The following MYH3 variants were observed in gnomAD, a reference collection of about 807,000 sequenced individuals.
The protein encoded by MYH3 is myosin-3.
MYH3 carries 130 observed loss-of-function variants against 238.0 expected under a neutral mutation model. The ratio of observed to expected loss-of-function variants is 0.55; its 90% CI spans 0.47 to 0.63. MYH3 has a LOEUF of 0.63. Among genes scored for constraint, MYH3 ranks in the 30% least tolerant of loss-of-function variants. MYH3 has a pLI of 0.00. For synonymous variants in MYH3, 880 were observed against 924.1 expected, an observed-to-expected ratio of 0.95 and a Z score of 0.86; for missense variants, 1,853 against 2,374.9, an observed-to-expected ratio of 0.78 and a Z score of 4.57.
In MYH3 at chr17:10,640,073, C is replaced by A; in HGVS notation, c.2605G>T (p.Ala869Ser). 6.2e-7 allele frequency: 1 copy of A among 1,613,938 alleles called. No individual in the cohort carries two copies. Among genetic ancestry groups the A allele is most frequent in the Non-Finnish European group, 8.5e-7 (1 of 1,180,000 alleles). ...KTKDELAKSEAKRKELEEKLV... is the reference protein window; with the variant it reads ...KTKDELAKSESKRKELEEKLV... Reference sequence around the variant, plus strand: ...TTTTCCTCTAGCTCCTTCCTTTTTGCCTCCGACTTGGCGAGTTCATCTTTG... The same window carrying A: ...TTTTCCTCTAGCTCCTTCCTTTTTGACTCCGACTTGGCGAGTTCATCTTTG... The change falls in exon 22 of 41, where the codon GCA becomes TCA. Residue 869 changes from alanine to serine, a missense_variant. Ala to Ser is a moderately conservative substitution (Grantham distance 99). Transcript: ENST00000583535.
the MYH3 span, chr17:10,675,751 C>T: frequency 1.3e-5 from 2 of 152,116 alleles, no homozygotes; most frequent in African/African-American, 2.4e-5. Flanking sequence ...AAAAAACACC[C>T]AACAACGAGG....
At position 10,638,979 on chromosome 17, in the gene MYH3, T is replaced by G. The variant is rs1335247183; in HGVS notation, c.3249-16A>C. 3.7e-6 allele frequency: 6 copies of G among 1,614,118 alleles called. No individual in the cohort carries two copies. Among genetic ancestry groups the G allele is most frequent in the Non-Finnish European group, 5.1e-6 (6 of 1,179,948 alleles). Reference sequence around the variant, plus strand: ...AAAATCTTTCCTGTGAAGAGAAATGTAGAATGCATGAAGACAAAATACACA... The same window carrying G: ...AAAATCTTTCCTGTGAAGAGAAATGGAGAATGCATGAAGACAAAATACACA... On this transcript the variant is annotated splice_polypyrimidine_tract_variant and intron_variant, in intron 25 of 40. Transcript: ENST00000583535.
At chr17:10,632,390 A>T (rs2074171458) in intron 34 of MYH3, 86 bp downstream of exon 34, 2 of 1,456,380 alleles carry the variant, frequency 1.4e-6, no homozygotes, top group Admixed American at 1.7e-5. Flanking sequence ...GAGCGCTGGG[A>T]CTACAGGCGT....
At chr17:10,667,444 G>T in the MYH3 span, among the ~76,000 whole-genome samples, 1 of 152,126 alleles carries the variant, frequency 6.6e-6, no homozygotes, top group Non-Finnish European at 1.5e-5. Context: ...CACTTTGGGA[G>T]GCCAAGGCAG....
the MYH3 span, among the ~76,000 whole-genome samples, chr17:10,671,789 C>G: frequency 4.6e-5 from 7 of 152,018 alleles, no homozygotes; most frequent in African/African-American, 1.7e-4. Flanking sequence ...CTGTGTTAGC[C>G]AGGATGGTCT....
chr17:10,651,799 A>G, intron 4 of MYH3, 131 bp from the exon 5 acceptor site: 15 of 1,286,170 alleles, frequency 1.2e-5, no homozygotes, highest in Non-Finnish European at 1.6e-5. Flanking sequence ...GCTGGAGTGC[A>G]GTGGCACGAT....
chr17:10,649,760 G>A, intron 6 of MYH3, 75 bp from the exon 7 acceptor site: 2 of 1,344,968 alleles, frequency 1.5e-6, no homozygotes, highest in Admixed American at 3.4e-5. Context: ...ATGTCATACT[G>A]AGGCCTGGGC....
chr17:10,658,255 C>CT (rs888144259), upstream of MYH3, among the ~76,000 whole-genome samples: 5 of 151,824 alleles, frequency 3.3e-5, no homozygotes, highest in Admixed American at 2.0e-4. Context: ...TCTCGTTCTA[C>CT]TTTTTTTTTC....
At chr17:10,650,432 T>C (rs375336769) in intron 5 of MYH3, 31 bp from the exon 6 acceptor site, 9 of 1,602,442 alleles carry the variant, frequency 5.6e-6, no homozygotes, top group Non-Finnish European at 6.8e-6. Flanking sequence ...ATAGAGTTGA[T>C]GGCAATAGAA....
the MYH3 span, among the ~76,000 whole-genome samples, chr17:10,671,672 C>T: frequency 5.9e-3 from 871 of 148,266 alleles, 4 homozygotes; most frequent in Non-Finnish European, 9.2e-3. Flanking sequence ...CTCCGCCTCC[C>T]GGGTTCATGC....
Position 10,642,568 on chromosome 17 carries a change from T to A in MYH3, c.1737A>T (p.Ser579=), listed in dbSNP as rs1195913891. The A allele has an allele frequency of 6.2e-7, 1 of 1,614,166 alleles. No homozygotes were observed. Among genetic ancestry groups the A allele is most frequent in the East Asian group, 2.2e-5 (1 of 44,888 alleles). Residue 579 remains serine (S), a synonymous_variant, in exon 16 of 41, where the codon TCA becomes TCT. Coordinates refer to ENST00000583535, the MANE Select transcript of MYH3 (RefSeq NM_002470.4). This position sits in a 1 kb window ranked among gnomAD's most constrained non-coding sequence, Gnocchi z 5.4. ...VVKGRAEAHF[S]LIHYAGTVDY... Reference sequence around the variant, plus strand: ...CCACGGTGCCCGCATAGTGGATCAGTGAGAAGTGAGCCTCGGCCCTGCCTT... The same window carrying A: ...CCACGGTGCCCGCATAGTGGATCAGAGAGAAGTGAGCCTCGGCCCTGCCTT...
At position 10,638,195 on chromosome 17, in the gene MYH3, G is replaced by C; in HGVS notation, c.3577C>G (p.Leu1193Val). 1.9e-6 allele frequency: 3 copies of C among 1,613,804 alleles called. No individual in the cohort carries two copies. Among genetic ancestry groups the C allele is most frequent in the Non-Finnish European group, 2.5e-6 (3 of 1,179,986 alleles). ...ACACTATCCGCATGCTTCTTCCTCA[G>C]CGCGGCCACCATGGCTTCGTGCTGC... The part of the protein sequence containing the change: ...TLQHEAMVAA[L>V]RKKHADSVAE... Residue 1193 changes from leucine (L) to valine (V), a missense_variant, in exon 27 of 41, where the codon CTG (leucine) becomes GTG (valine). Physicochemically the swap from Leu to Val is conservative, Grantham distance 32. Around this residue, in one of 3 missense-constraint regions of MYH3, gnomAD observed 1,044 missense variants for 1,192.6 expected, o/e 0.88. Transcript: ENST00000583535.
At chr17:10,636,607 C>T (rs541515345) in intron 28 of MYH3, among the ~76,000 whole-genome samples, 14 of 151,798 alleles carry the variant, frequency 9.2e-5, no homozygotes, top group Admixed American at 2.6e-4. Flanking sequence ...ACGTGAATCC[C>T]CCAACATGGT....
chr17:10,638,030 C>G lies in MYH3; in HGVS notation c.3729+13G>C, dbSNP rs370155881. 34 of 1,613,876 alleles carry G rather than the reference C, an allele frequency of 2.1e-5. No homozygotes were observed. The African/African-American group carries it at 3.7e-4, about 18-fold the overall frequency. On this transcript the variant is annotated intron_variant, in intron 27 of 40. Coordinates refer to ENST00000583535, the MANE Select transcript of MYH3 (RefSeq NM_002470.4). ...GATGGAAAGCCTTGAGCCACCCCCA[C>G]CCCGCGCAGCACCTTAGATTTCGAC...
intron 33 of MYH3, among the ~76,000 whole-genome samples, chr17:10,633,262 T>A (rs1432178643): frequency 6.6e-6 from 1 of 152,266 alleles, no homozygotes; most frequent in East Asian, 1.9e-4. Flanking sequence ...TCATTGCTTT[T>A]TGGTTTTGAT....
rs768800372 is a variant in MYH3, at chr17:10,642,922, G to A, written c.1485C>T (p.Phe495=). Residue 495 remains phenylalanine, a synonymous_variant, in exon 15 of 41, where the codon TTC becomes TTT. Transcript: ENST00000583535. This position sits in a 1 kb window ranked among gnomAD's most constrained non-coding sequence, Gnocchi z 5.4. The stretch of plus-strand genomic sequence containing the variant: ...TCTTGTACTCCTCCTGCTCCAGCAC[G>A]AACATGTGGTGGTTGAAAAACTGTT... The part of the protein sequence containing the change: ...KLQQFFNHHM[F]VLEQEEYKKE... 58 of 1,614,044 alleles carry A rather than the reference G, an allele frequency of 3.6e-5. 1 individual carries two copies. The highest frequency in any genetic ancestry group is 3.6e-5 in the Non-Finnish European group (43 of 1,180,040).
chr17:10,640,692 T>A lies in MYH3; in HGVS notation c.2166-6A>T, dbSNP rs374461545. Reference sequence around the variant, plus strand: ...TGGCATTCAGCACTCGGTATCTGCATTGTAGACATGGAAATCATCACAGAC... The same window carrying A: ...TGGCATTCAGCACTCGGTATCTGCAATGTAGACATGGAAATCATCACAGAC... On this transcript the variant is annotated splice_region_variant and splice_polypyrimidine_tract_variant and intron_variant, in intron 19 of 40. Transcript: ENST00000583535. 4 of 1,613,868 alleles carry A rather than the reference T, an allele frequency of 2.5e-6. No individual in the cohort carries two copies. In the African/African-American group the frequency reaches 5.3e-5, roughly 22 times the overall value.
chr17:10,634,312 G>C, intron 31 of MYH3, 130 bp from the exon 32 acceptor site: 1 of 1,030,524 alleles, frequency 9.7e-7, no homozygotes, highest in Non-Finnish European at 1.5e-6. Flanking sequence ...CCTTGTTGTC[G>C]ATTATTGGGC....
intron 36 of MYH3, among the ~76,000 whole-genome samples, chr17:10,631,390 A>G (rs1436688709): frequency 6.6e-6 from 1 of 152,236 alleles, no homozygotes; most frequent in Non-Finnish European, 1.5e-5. Flanking sequence ...ACCTCTCCAC[A>G]GGCAGAACTA....
Sources: gnomAD v4.1 joint callset for allele counts (sites outside exome capture counted in the v4.1 genomes callset) on GRCh38, gnomAD v4.1.1 for gene constraint, gnomAD v4.1.1 regional missense constraint, Gnocchi (gnomAD v3.1) non-coding constraint, MANE v1.5 for transcripts, NCBI Gene and HGNC (gene_info 2026-07-23, HGNC 2026-07-21) for gene names.